Variants in MYT1 observed in about 807,000 individuals in gnomAD.
The protein encoded by MYT1 is myelin transcription factor 1.
Under a neutral mutation model 123.0 loss-of-function variants are expected in MYT1, and 23 were observed. That is an observed-to-expected ratio of 0.19 (90% CI 0.13 to 0.26). The LOEUF (loss-of-function observed/expected upper bound fraction) is 0.26, where lower values mean the gene tolerates loss of function less well. MYT1 is among the 10% of genes least tolerant of loss of function. The pLI, the probability that MYT1 is intolerant of heterozygous loss-of-function variation, is 1.00. For missense variants in MYT1, 1,125 were observed against 1,472.5 expected, an observed-to-expected ratio of 0.76 and a Z score of 3.86; for synonymous variants, 518 against 575.3, an observed-to-expected ratio of 0.90 and a Z score of 1.43.
At chr20:64,198,679 C>T (rs1331849254) in intron 2 of MYT1, among the ~76,000 whole-genome samples, 183 bp from the exon 3 acceptor site, 1 of 152,228 alleles carries the variant, frequency 6.6e-6, no homozygotes, top group African/African-American at 2.4e-5. Context: ...TCTACACCCT[C>T]CCACCTGCTG....
rs1295814620 is a variant in MYT1 at position 64,186,043 on chromosome 20, C to T, written c.-98-4020C>T. Reference sequence around the variant, plus strand: ...GCTACAGCTCAGCACTGCACATCTCCCTGGCCTGTGTTGGAGTCTCTGGCC... The same window carrying T: ...GCTACAGCTCAGCACTGCACATCTCTCTGGCCTGTGTTGGAGTCTCTGGCC... On this transcript the variant is annotated intron_variant, in intron 1 of 22. Coordinates refer to ENST00000328439, the MANE Select transcript of MYT1 (RefSeq NM_004535.3). This position sits in a 1 kb window ranked among gnomAD's most constrained non-coding sequence, Gnocchi z 4.3. 5.9e-5 allele frequency among the ~76,000 whole-genome samples: 9 copies of T among 152,180 alleles called. No individual in the cohort carries two copies. The highest frequency in any genetic ancestry group is 1.2e-4 in the Non-Finnish European group (8 of 68,032).
chr20:64,215,637 G>A (rs890559807), intron 10 of MYT1, among the ~76,000 whole-genome samples: 3 of 152,040 alleles, frequency 2.0e-5, no homozygotes, highest in Non-Finnish European at 2.9e-5. Flanking sequence ...AGGCTGGAGT[G>A]CAGTGGTTTC....
At position 64,213,625 on chromosome 20, in the gene MYT1, T is replaced by C; in HGVS notation, c.1609T>C (p.Ser537Pro). The change falls in exon 10 of 23, where the codon TCC becomes CCC. Residue 537 changes from serine (S) to proline (P), a missense_variant. Ser to Pro is a moderately conservative substitution (Grantham distance 74). Coordinates refer to ENST00000328439, the MANE Select transcript of MYT1 (RefSeq NM_004535.3). The surrounding 1 kb of genome is among the most constrained non-coding windows in gnomAD (Gnocchi z 5.6). ...PQTGDPSKSS[S>P]NSDRILRPMC... The stretch of plus-strand genomic sequence containing the variant: ...GACAGGAGATCCTTCCAAGAGTAGC[T>C]CCAATTCCGATCGGATCCTCAGGTG... 1 of 1,613,966 alleles carries C rather than the reference T, an allele frequency of 6.2e-7. No homozygotes were observed. The highest frequency in any genetic ancestry group is 8.5e-7 in the Non-Finnish European group (1 of 1,179,988).
intron 14 of MYT1, among the ~76,000 whole-genome samples, chr20:64,222,650 C>T (rs1984044475): frequency 6.6e-6 from 1 of 152,240 alleles, no homozygotes; most frequent in South Asian, 2.1e-4. Flanking sequence ...GCACCTGCTC[C>T]ACAGGTGATC....
rs1982145168 is a variant in MYT1 at position 64,168,335 on chromosome 20, C to CT, written c.-99+3600dup. On this transcript the variant is annotated intron_variant, in intron 1 of 22. Transcript: ENST00000328439. The surrounding 1 kb of genome is among the most constrained non-coding windows in gnomAD (Gnocchi z 6.1). Reference sequence around the variant, plus strand: ...AACTAACCAGATACAAGTGTGGAGTCTTTTCTCCCCAGGGTTAATGCCATT... The same window carrying CT: ...AACTAACCAGATACAAGTGTGGAGTCTTTTTCTCCCCAGGGTTAATGCCATT... Among the ~76,000 whole-genome samples, 2 of 152,354 alleles carry CT rather than the reference C, an allele frequency of 1.3e-5. No homozygotes were observed. Among genetic ancestry groups the CT allele is most frequent in the African/African-American group, 4.8e-5 (2 of 41,584 alleles).
chr20:64,181,623 C>T (rs933566224), intron 1 of MYT1, among the ~76,000 whole-genome samples: 2 of 152,310 alleles, frequency 1.3e-5, no homozygotes, highest in South Asian at 4.1e-4. Context: ...CTGGTTTGTC[C>T]TTGTTCCTGC....
At chr20:64,237,445 C>T (rs2145737918) in intron 21 of MYT1, 55 bp downstream of exon 21, 3 of 1,383,838 alleles carry the variant, frequency 2.2e-6, no homozygotes, top group East Asian at 2.4e-5. Flanking sequence ...CCCAAACATT[C>T]GTCTTGGGGA....
At chr20:64,237,845 A>G (rs974550612) in intron 21 of MYT1, among the ~76,000 whole-genome samples, 2 of 152,102 alleles carry the variant, frequency 1.3e-5, no homozygotes, top group Non-Finnish European at 2.9e-5. Context: ...GCACAGCCAC[A>G]TGTTTGTCAC....
chr20:64,240,570 CG>C lies in MYT1; in HGVS notation c.*125del, dbSNP rs1235933682. 2 of 1,372,922 alleles carry C rather than the reference CG, an allele frequency of 1.5e-6. No homozygotes were observed. Among genetic ancestry groups the C allele is most frequent in the African/African-American group, 2.9e-5 (2 of 68,288 alleles). 85.0% of individuals were successfully genotyped at this position (1,372,922 alleles called of 1,614,324 possible). On this transcript the variant is annotated 3_prime_UTR_variant, in exon 23 of 23. Transcript: ENST00000328439. ...GTTTGGGGCCCGGTGTGGCCGCGGGCGGGTTTATCCAAAGGGATGGCTGGAA... is the reference window on the plus strand; with the variant it reads ...GTTTGGGGCCCGGTGTGGCCGCGGGCGGTTTATCCAAAGGGATGGCTGGAA...
intron 7 of MYT1, among the ~76,000 whole-genome samples, chr20:64,210,032 G>C (rs1241644909): frequency 6.6e-6 from 1 of 152,062 alleles, no homozygotes; most frequent in Non-Finnish European, 1.5e-5. Context: ...GCCCGGGGTG[G>C]TTACTAGCCT....
At position 64,190,046 on chromosome 20, in the gene MYT1, C is replaced by T. The variant is rs1192419184; in HGVS notation, c.-98-17C>T. ...CAAGCTTTCCTTTTCTGACCTTGAA[C>T]CTTTTTAAACCCTCAGAAAATGAGT... On this transcript the variant is annotated splice_polypyrimidine_tract_variant and intron_variant, in intron 1 of 22. Transcript: ENST00000328439. The surrounding 1 kb of genome is among the most constrained non-coding windows in gnomAD (Gnocchi z 4.1). The T allele has an allele frequency of 6.5e-6, 1 of 152,684 alleles. No homozygotes were observed. Among genetic ancestry groups the T allele is most frequent in the East Asian group, 1.9e-4 (1 of 5,206 alleles). The allele number at this position is 152,684 out of a possible 1,614,324, so 9.5% of individuals were successfully genotyped here.
At chr20:64,171,002 G>A (rs1209753276) in intron 1 of MYT1, among the ~76,000 whole-genome samples, 3 of 149,106 alleles carry the variant, frequency 2.0e-5, no homozygotes, top group Admixed American at 1.3e-4. Flanking sequence ...CTCCGCCTCC[G>A]GGTTCAAGCA....
At chr20:64,198,369 G>A (rs545018883) in intron 2 of MYT1, among the ~76,000 whole-genome samples, 207 of 150,688 alleles carry the variant, frequency 1.4e-3, no homozygotes, top group Admixed American at 3.4e-3. Flanking sequence ...CTGGGGACAC[G>A]TTGGGGTCAG....
intron 4 of MYT1, among the ~76,000 whole-genome samples, chr20:64,201,440 A>AATT (rs1472626800): frequency 6.7e-6 from 1 of 149,230 alleles, no homozygotes; most frequent in Admixed American, 6.7e-5. Flanking sequence ...TTCCAACAAT[A>AATT]ATTTCTTCAG....
At chr20:64,238,893 C>T (rs1410492020) in intron 21 of MYT1, among the ~76,000 whole-genome samples, 1 of 152,226 alleles carries the variant, frequency 6.6e-6, no homozygotes, top group African/African-American at 2.4e-5. Context: ...CTGGTGCCCT[C>T]TGCGGAAGGG....
At position 64,218,726 on chromosome 20, in the gene MYT1, TG is replaced by T; in HGVS notation, c.1847-182del. 1.3e-6 allele frequency: 1 copy of T among 765,502 alleles called. No individual in the cohort carries two copies. The highest frequency in any genetic ancestry group is 2.2e-6 in the Non-Finnish European group (1 of 450,306). The allele number at this position is 765,502 out of a possible 1,614,324, so 47.4% of individuals were successfully genotyped here. A position where few individuals can be genotyped will look rare whatever the true frequency, so the allele number is the denominator to read the frequency against. ...GGCCCACTTCGATATAGCTGTGCCC[TG>T]GGCCCTCCCATCCCTCCCAAAGTGC... is the stretch of plus-strand genomic sequence containing the variant. On this transcript the variant is annotated intron_variant, in intron 11 of 22. Coordinates refer to ENST00000328439, the MANE Select transcript of MYT1 (RefSeq NM_004535.3). This position sits in a 1 kb window ranked among gnomAD's most constrained non-coding sequence, Gnocchi z 4.0.
intron 14 of MYT1, among the ~76,000 whole-genome samples, chr20:64,222,779 C>A (rs1157116582): frequency 6.6e-6 from 1 of 152,230 alleles, no homozygotes; most frequent in African/African-American, 2.4e-5. Context: ...CCAGGGAAGG[C>A]CTTGCTTCAG....
Position 64,213,065 on chromosome 20 carries a change from T to C in MYT1, c.1518-469T>C, listed in dbSNP as rs1025762979. Among the ~76,000 whole-genome samples, 3 of 152,022 alleles carry C rather than the reference T, an allele frequency of 2.0e-5. No individual in the cohort carries two copies. Among genetic ancestry groups the C allele is most frequent in the African/African-American group, 7.3e-5 (3 of 41,376 alleles). ...TGAGTACTTTCCTGGGCCTGTGTCA[T>C]CCAGGGTCAGTGCCCAGGCTGTGGT... On this transcript the variant is annotated intron_variant, in intron 9 of 22. Coordinates refer to ENST00000328439, the MANE Select transcript of MYT1 (RefSeq NM_004535.3). The surrounding 1 kb of genome is among the most constrained non-coding windows in gnomAD (Gnocchi z 5.6).
At chr20:64,169,112 T>TG (rs1982167765) in intron 1 of MYT1, among the ~76,000 whole-genome samples, 1 of 152,172 alleles carries the variant, frequency 6.6e-6, no homozygotes. Context: ...CACCTGGTCC[T>TG]GGGGGACCCT....
Sources: allele counts gnomAD v4.1 joint callset (sites outside exome capture counted in the v4.1 genomes callset), GRCh38; gene constraint gnomAD v4.1.1; non-coding constraint Gnocchi (gnomAD v3.1); transcripts MANE v1.5; gene names NCBI Gene and HGNC (gene_info 2026-07-23, HGNC 2026-07-21).